Variants in OXR1 observed in about 807,000 individuals in gnomAD.
The protein encoded by OXR1 is oxidation resistance 1.
A neutral mutation model predicts 104.6 loss-of-function variants in OXR1; 41 were observed. The ratio of observed to expected loss-of-function variants is 0.39; its 90% CI spans 0.31 to 0.51. The LOEUF (loss-of-function observed/expected upper bound fraction) is 0.51, where lower values mean the gene tolerates loss of function less well. Among genes scored for constraint, OXR1 ranks in the 20% least tolerant of loss-of-function variants. The pLI is 0.77. For synonymous variants in OXR1, 348 were observed against 348.4 expected (o/e 1.00, Z 0.01); for missense variants, 955 against 1,031.9 (o/e 0.93, Z 1.02).
chr8:106,339,835 A>G (rs1044191690), intron 1 of OXR1, among the ~76,000 whole-genome samples: 2 of 151,992 alleles, frequency 1.3e-5, no homozygotes. Context: ...ACAGATATAA[A>G]ACTAAGGCAG....
intron 8 of OXR1, among the ~76,000 whole-genome samples, chr8:106,704,762 T>TGTA (rs1305822724): frequency 6.6e-6 from 1 of 152,172 alleles, no homozygotes; most frequent in African/African-American, 2.4e-5. Flanking sequence ...CCATCACTGT[T>TGTA]CTACAAGGAT....
intron 1 of OXR1, among the ~76,000 whole-genome samples, chr8:106,352,733 C>G (rs1815783673): frequency 6.6e-6 from 1 of 151,938 alleles, no homozygotes; most frequent in Non-Finnish European, 1.5e-5. Context: ...AATAAAGGTG[C>G]AGGTAAAACT....
chr8:106,273,833 T>G (rs943998030), intron 1 of OXR1, among the ~76,000 whole-genome samples: 1 of 152,330 alleles, frequency 6.6e-6, no homozygotes, highest in African/African-American at 2.4e-5. Context: ...TATTGAGAAT[T>G]TCTAAAAGGT....
intron 3 of OXR1, among the ~76,000 whole-genome samples, chr8:106,643,517 A>T (rs1313556148): frequency 6.6e-6 from 1 of 152,086 alleles, no homozygotes; most frequent in East Asian, 1.9e-4. Flanking sequence ...AAGAGCTCCA[A>T]GTTAGGCACT....
chr8:106,612,740 G>T (rs370590125), intron 3 of OXR1, among the ~76,000 whole-genome samples: 4 of 152,032 alleles, frequency 2.6e-5, no homozygotes, highest in African/African-American at 9.7e-5. Flanking sequence ...AAATTTTAAA[G>T]CATTTATTGA....
At position 106,348,232 on chromosome 8, in the gene OXR1, C is replaced by T. The variant is rs148825338; in HGVS notation, c.-138-11244C>T. Among the ~76,000 whole-genome samples the T allele has an allele frequency of 2.4e-3, 359 of 152,208 alleles. 1 individual carries two copies. The highest frequency in any genetic ancestry group is 4.4e-3 in the Non-Finnish European group (299 of 68,002). ...TGGGAAAGTTTAGGATGAATATCAA[C>T]AAGGTGACTTGGGCTGTGCTATGAA... On this transcript the variant is annotated intron_variant, in intron 1 of 16. Transcript: ENST00000517566.
At chr8:106,666,518 T>C (rs1392748575) in intron 3 of OXR1, among the ~76,000 whole-genome samples, 1 of 152,202 alleles carries the variant, frequency 6.6e-6, no homozygotes, top group African/African-American at 2.4e-5. Flanking sequence ...GCAATAGGGA[T>C]AGGGACTGTG....
chr8:106,432,167 T>G (rs1227144220), intron 2 of OXR1, among the ~76,000 whole-genome samples: 1 of 152,208 alleles, frequency 6.6e-6, no homozygotes, highest in African/African-American at 2.4e-5. Context: ...TTCTCAGAAT[T>G]ACTACATCTT....
chr8:106,365,492 T>A (rs1586570637), intron 2 of OXR1, among the ~76,000 whole-genome samples: 1 of 152,068 alleles, frequency 6.6e-6, no homozygotes, highest in Admixed American at 6.5e-5. Flanking sequence ...AAATGTGTCC[T>A]CCCAAATTAC....
intron 1 of OXR1, among the ~76,000 whole-genome samples, chr8:106,312,895 G>C (rs1039697616): frequency 1.3e-5 from 2 of 152,034 alleles, no homozygotes; most frequent in African/African-American, 4.8e-5. Context: ...GTTTCATCTG[G>C]GTAGGCCAGG....
At chr8:106,691,651 T>C (rs983340054) in intron 6 of OXR1, among the ~76,000 whole-genome samples, 3 of 146,866 alleles carry the variant, frequency 2.0e-5, no homozygotes, top group South Asian at 2.1e-4. Flanking sequence ...TACACACACA[T>C]ATATTTATAT....
At chr8:106,304,606 ATTTTC>A (rs1396622489) in intron 1 of OXR1, among the ~76,000 whole-genome samples, 3 of 152,190 alleles carry the variant, frequency 2.0e-5, no homozygotes, top group South Asian at 2.1e-4. Flanking sequence ...TGTCAAAAAT[ATTTTC>A]TTTTCAATTT....
intron 1 of OXR1, among the ~76,000 whole-genome samples, chr8:106,348,975 AT>A (rs1563730896): frequency 6.6e-6 from 1 of 152,194 alleles, no homozygotes; most frequent in East Asian, 1.9e-4. Flanking sequence ...ATAAAATTAC[AT>A]TGTAATATGG....
Position 106,713,873 on chromosome 8 carries a change from C to A in OXR1, c.1844C>A (p.Ala615Glu). 1 of 1,587,928 alleles carries A rather than the reference C, an allele frequency of 6.3e-7. No individual in the cohort carries two copies. Among genetic ancestry groups the A allele is most frequent in the Non-Finnish European group, 8.5e-7 (1 of 1,171,456 alleles). The change falls in exon 11 of 17, where the codon GCA becomes GAA. Residue 615 changes from alanine (A) to glutamate (E), a missense_variant. Physicochemically the swap from Ala to Glu is moderately radical, Grantham distance 107. Coordinates refer to ENST00000517566, the MANE Select transcript of OXR1 (RefSeq NM_001198533.2). ...ATTCAGTGGAGTCCAGAAATATATG[C>A]AGAAGATACTGGCGAATATACCAGA... ...FFIQWSPEIY[A>E]EDTGEYTREP...
At chr8:106,669,877 T>C (rs1265991689) in intron 3 of OXR1, among the ~76,000 whole-genome samples, 1 of 152,178 alleles carries the variant, frequency 6.6e-6, no homozygotes, top group Non-Finnish European at 1.5e-5. Flanking sequence ...CTGAGTCTAG[T>C]AATAGCAAGC....
chr8:106,634,304 G>A (rs1234198137), intron 3 of OXR1, among the ~76,000 whole-genome samples: 1 of 152,154 alleles, frequency 6.6e-6, no homozygotes. Flanking sequence ...TTATAGGAGA[G>A]CCTCAAATGA....
In OXR1 at chr8:106,506,388, C is replaced by T. The variant is rs139903097; in HGVS notation, c.24-12555C>T. On this transcript the variant is annotated intron_variant, in intron 2 of 16. Coordinates refer to ENST00000517566, the MANE Select transcript of OXR1 (RefSeq NM_001198533.2). ...CAGCACTTTGGGAGGCCAAGGTGGG[C>T]GGATCACGAGGTCAGGAGATCCAGA... Among the ~76,000 whole-genome samples, 19 of 152,160 alleles carry T rather than the reference C, an allele frequency of 1.2e-4. No individual in the cohort carries two copies. In the East Asian group the frequency reaches 1.4e-3, roughly 11 times the overall value.
chr8:106,333,270 A>T (rs7844569), intron 1 of OXR1, among the ~76,000 whole-genome samples: 1 of 151,846 alleles, frequency 6.6e-6, no homozygotes, highest in Non-Finnish European at 1.5e-5. Flanking sequence ...ATATATGGAG[A>T]TTCAAGTTTC....
chr8:106,542,849 A>G (rs926129998), intron 3 of OXR1, among the ~76,000 whole-genome samples: 2 of 152,096 alleles, frequency 1.3e-5, no homozygotes, highest in Non-Finnish European at 2.9e-5. Context: ...TTACTTTAAT[A>G]TTTTTAGCAA....
Sources: gnomAD v4.1 joint callset for allele counts (sites outside exome capture counted in the v4.1 genomes callset) on GRCh38, gnomAD v4.1.1 for gene constraint, MANE v1.5 for transcripts, NCBI Gene and HGNC (gene_info 2026-07-23, HGNC 2026-07-21) for gene names.